The following CHCHD6 variants were observed in gnomAD, a reference collection of about 807,000 sequenced individuals.
The protein encoded by CHCHD6 is coiled-coil-helix-coiled-coil-helix domain containing 6, also known as MICOS complex subunit MIC25.
In CHCHD6, 28 loss-of-function variants were observed where a neutral mutation model predicts 32.3. The ratio of observed to expected loss-of-function variants is 0.87; its 90% CI spans 0.64 to 1.19. The LOEUF is 1.19. Among genes scored for constraint, CHCHD6 ranks in the 50% most tolerant of loss-of-function variants. The pLI is 0.00. For synonymous variants in CHCHD6, 122 were observed against 117.5 expected (o/e 1.04, Z -0.25); for missense variants, 333 against 307.0 (o/e 1.08, Z -0.63).
intron 7 of CHCHD6, 196 bp downstream of exon 7, chr3:126,957,747 C>A (rs1156451894): frequency 1.5e-6 from 1 of 682,314 alleles, no homozygotes. Context: ...CTTCCAGGAG[C>A]GCCTTGGACA....
At chr3:126,806,613 G>C (rs1227654081) in intron 4 of CHCHD6, among the ~76,000 whole-genome samples, 1 of 152,136 alleles carries the variant, frequency 6.6e-6, no homozygotes, top group African/African-American at 2.4e-5. Flanking sequence ...CTGTAAACTA[G>C]TTCAACCATT....
intron 1 of CHCHD6, among the ~76,000 whole-genome samples, chr3:126,711,156 A>G (rs1934731187): frequency 6.6e-6 from 1 of 152,124 alleles, no homozygotes; most frequent in Non-Finnish European, 1.5e-5. Context: ...ATAAGCTCTA[A>G]GAGGGCAAAT....
At chr3:126,905,902 G>A (rs2077998553) in intron 5 of CHCHD6, among the ~76,000 whole-genome samples, 1 of 152,134 alleles carries the variant, frequency 6.6e-6, no homozygotes, top group Non-Finnish European at 1.5e-5. Flanking sequence ...GCAGGAATCA[G>A]GGGCATCACG....
chr3:126,939,792 G>A (rs2078533352), intron 6 of CHCHD6, among the ~76,000 whole-genome samples: 1 of 152,116 alleles, frequency 6.6e-6, no homozygotes, highest in Non-Finnish European at 1.5e-5. Context: ...CAGAGATAAG[G>A]GCATCATTTA....
At chr3:126,863,171 TCAC>T (rs1942020714) in intron 5 of CHCHD6, among the ~76,000 whole-genome samples, 1 of 65,680 alleles carries the variant, frequency 1.5e-5, no homozygotes, top group African/African-American at 5.9e-5. Context: ...TCCTCCACCA[TCAC>T]CACCTCCCCC....
At chr3:126,717,361 G>A (rs921425420) in intron 1 of CHCHD6, among the ~76,000 whole-genome samples, 1 of 152,172 alleles carries the variant, frequency 6.6e-6, no homozygotes, top group Non-Finnish European at 1.5e-5. Context: ...GCTCACTCCT[G>A]TCCTTGTTCA....
intron 4 of CHCHD6, among the ~76,000 whole-genome samples, chr3:126,804,724 A>C (rs1939269579): frequency 6.6e-6 from 1 of 152,074 alleles, no homozygotes. Flanking sequence ...CCTGATACCA[A>C]AGCCTGGCAG....
intron 6 of CHCHD6, among the ~76,000 whole-genome samples, chr3:126,945,722 T>C (rs1189032922): frequency 1.2e-5 from 1 of 81,144 alleles, no homozygotes; most frequent in East Asian, 3.2e-4. Context: ...GAGACTCGAG[T>C]AGGGAGACAT....
chr3:126,735,164 G>A (rs1012771946), intron 4 of CHCHD6, among the ~76,000 whole-genome samples: 1 of 152,136 alleles, frequency 6.6e-6, no homozygotes, highest in African/African-American at 2.4e-5. Flanking sequence ...GGAAAAGTTG[G>A]CCTCCTCTAG....
intron 4 of CHCHD6, among the ~76,000 whole-genome samples, chr3:126,784,552 T>G (rs754855487): frequency 1.3e-5 from 2 of 152,146 alleles, no homozygotes; most frequent in Non-Finnish European, 2.9e-5. Flanking sequence ...CCTGGTGTAC[T>G]CCACACAGAG....
At chr3:126,922,183 T>C (rs924684660) in intron 6 of CHCHD6, among the ~76,000 whole-genome samples, 1 of 152,234 alleles carries the variant, frequency 6.6e-6, no homozygotes, top group African/African-American at 2.4e-5. Context: ...TGAAAAACTT[T>C]TACTAAACAT....
At chr3:126,704,446 CG>C (rs769865726) in intron 1 of CHCHD6, 47 bp downstream of exon 1, 87 of 1,171,970 alleles carry the variant, frequency 7.4e-5, no homozygotes, top group Middle Eastern at 3.0e-4. Flanking sequence ...GCCGCGGGCG[CG>C]GGGGGGAGGT....
chr3:126,868,296 G>A (rs1285537278), intron 5 of CHCHD6, among the ~76,000 whole-genome samples: 1 of 152,228 alleles, frequency 6.6e-6, no homozygotes, highest in African/African-American at 2.4e-5. Flanking sequence ...GGACGTAGAT[G>A]GAGTTCCTCT....
At chr3:126,807,856 C>T (rs569265192) in intron 4 of CHCHD6, among the ~76,000 whole-genome samples, 24 of 152,260 alleles carry the variant, frequency 1.6e-4, no homozygotes, top group East Asian at 3.9e-4. Context: ...AGTAGTCTTA[C>T]GGGCCACATG....
chr3:126,929,401 A>G (rs559913768), intron 6 of CHCHD6, among the ~76,000 whole-genome samples: 30 of 152,350 alleles, frequency 2.0e-4, no homozygotes, highest in Non-Finnish European at 4.0e-4. Context: ...AACTATTCAT[A>G]TAAAGCTTCC....
chr3:126,800,194 A>G (rs1277334399), intron 4 of CHCHD6, among the ~76,000 whole-genome samples: 1 of 152,154 alleles, frequency 6.6e-6, no homozygotes, highest in Non-Finnish European at 1.5e-5. Context: ...GAAAGATAAA[A>G]CTCAACGATT....
intron 5 of CHCHD6, among the ~76,000 whole-genome samples, chr3:126,857,342 T>A (rs1941695414): frequency 6.6e-6 from 1 of 152,168 alleles, no homozygotes; most frequent in African/African-American, 2.4e-5. Flanking sequence ...AAAAACCAAG[T>A]CAGGAAGAAA....
rs988867380 is a variant in CHCHD6, at chr3:126,755,797, G to T, written c.411+22575G>T. On this transcript the variant is annotated intron_variant, in intron 4 of 7. Coordinates refer to ENST00000290913, the MANE Select transcript of CHCHD6 (RefSeq NM_032343.3). ...CTTATTGTGAAATATCCAGGTGTTG[G>T]TGGCACTGTTGTCTATGTGTGTGTG... 7.9e-5 allele frequency among the ~76,000 whole-genome samples: 12 copies of T among 151,944 alleles called. No individual in the cohort carries two copies. The South Asian group carries it at 2.5e-3, about 32-fold the overall frequency.
chr3:126,947,087 C>G (rs1242491102), intron 6 of CHCHD6, among the ~76,000 whole-genome samples: 1 of 152,242 alleles, frequency 6.6e-6, no homozygotes, highest in South Asian at 2.1e-4. Flanking sequence ...CGTCTGGTCC[C>G]GAATCCCTCT....
Sources: allele counts gnomAD v4.1 joint callset (sites outside exome capture counted in the v4.1 genomes callset), GRCh38; gene constraint gnomAD v4.1.1; transcripts MANE v1.5; gene names NCBI Gene and HGNC (gene_info 2026-07-23, HGNC 2026-07-21).